CERS6: variants seen among roughly 807,000 people sequenced by gnomAD.
The protein encoded by CERS6 is LAG1 homolog, ceramide synthase 6.
CERS6 carries 26 observed loss-of-function variants against 56.8 expected under a neutral mutation model. The observed-to-expected ratio is 0.46, with a 90% CI of 0.34 to 0.63. The LOEUF (loss-of-function observed/expected upper bound fraction) is 0.63, where lower values mean the gene tolerates loss of function less well. Among genes scored for constraint, CERS6 ranks in the 30% least tolerant of loss-of-function variants. CERS6 has a pLI of 0.01. For synonymous variants in CERS6, 164 were observed against 173.3 expected, an observed-to-expected ratio of 0.95 and a Z score of 0.42; for missense variants, 415 against 467.5, an observed-to-expected ratio of 0.89 and a Z score of 1.04.
intron 3 of CERS6, among the ~76,000 whole-genome samples, chr2:168,576,182 C>A (rs1328767834): frequency 6.6e-6 from 1 of 152,134 alleles, no homozygotes. Flanking sequence ...TACCCCCATT[C>A]TCTTTTTCCC....
Position 168,772,444 on chromosome 2 carries a change from G to A in CERS6, c.*2782G>A, listed in dbSNP as rs1684888102. The A allele has an allele frequency of 6.6e-6, 1 of 152,524 alleles. No homozygotes were observed. The highest frequency in any genetic ancestry group is 1.5e-5 in the Non-Finnish European group (1 of 68,018). The allele number at this position is 152,524 out of a possible 1,614,324, so 9.4% of individuals were successfully genotyped here. A position where few individuals can be genotyped will look rare whatever the true frequency, so the allele number is the denominator to read the frequency against. ...ATATATATGTATGTTTCTCCAAAAA[G>A]TGATAAAACCAAAATATCACTGACT... On this transcript the variant is annotated 3_prime_UTR_variant, in exon 10 of 10. Coordinates refer to ENST00000305747, the MANE Select transcript of CERS6 (RefSeq NM_203463.3).
intron 1 of CERS6, among the ~76,000 whole-genome samples, chr2:168,469,714 CAG>C (rs1348723952): frequency 1.3e-5 from 2 of 152,142 alleles, no homozygotes; most frequent in Admixed American, 6.5e-5. Flanking sequence ...GTTATTAACA[CAG>C]AATTGATAGA....
intron 3 of CERS6, among the ~76,000 whole-genome samples, chr2:168,585,043 A>T (rs963676674): frequency 1.3e-5 from 2 of 152,272 alleles, no homozygotes; most frequent in African/African-American, 4.8e-5. Flanking sequence ...TGCCAACTCC[A>T]TATTTGCTGA....
Position 168,774,602 on chromosome 2 carries a change from T to C in CERS6, c.*4940T>C, listed in dbSNP as rs1388566064. ...TTTATCCACAGTAATTTTTTGACAC[T>C]GTCATCATGAAACTACCCTTAGGAA... On this transcript the variant is annotated 3_prime_UTR_variant, in exon 10 of 10. Coordinates refer to ENST00000305747, the MANE Select transcript of CERS6 (RefSeq NM_203463.3). 2 of 151,596 alleles carry C rather than the reference T, an allele frequency of 1.3e-5. No homozygotes were observed. Among genetic ancestry groups the C allele is most frequent in the East Asian group, 1.9e-4 (1 of 5,174 alleles). The allele number at this position is 151,596 out of a possible 1,614,324, so 9.4% of individuals were successfully genotyped here.
At chr2:168,716,322 G>C (rs986802942) in intron 7 of CERS6, among the ~76,000 whole-genome samples, 1 of 152,178 alleles carries the variant, frequency 6.6e-6, no homozygotes, top group Non-Finnish European at 1.5e-5. Flanking sequence ...TCTTAAGTTT[G>C]CTTGAATGTA....
intron 4 of CERS6, among the ~76,000 whole-genome samples, chr2:168,672,924 A>G (rs1455807337): frequency 6.6e-6 from 1 of 152,236 alleles, no homozygotes; most frequent in Non-Finnish European, 1.5e-5. Context: ...CTAGAGATCA[A>G]TTCCTTCCTT....
At chr2:168,527,284 C>T (rs1695087435) in intron 1 of CERS6, among the ~76,000 whole-genome samples, 1 of 152,108 alleles carries the variant, frequency 6.6e-6, no homozygotes, top group Non-Finnish European at 1.5e-5. Flanking sequence ...TTCCCATATC[C>T]CTGTCCCTAC....
chr2:168,610,273 G>A (rs939466266), intron 3 of CERS6, among the ~76,000 whole-genome samples: 6 of 152,036 alleles, frequency 3.9e-5, no homozygotes, highest in South Asian at 2.1e-4. Flanking sequence ...CACCACTCCC[G>A]GCCGACTGAT....
At chr2:168,601,941 G>A (rs78221661) in intron 3 of CERS6, among the ~76,000 whole-genome samples, 2 of 152,114 alleles carry the variant, frequency 1.3e-5, no homozygotes, top group Non-Finnish European at 2.9e-5. Flanking sequence ...TACAGAAGTA[G>A]AATATTTTTA....
At chr2:168,630,786 TACTC>T (rs1330112015) in intron 3 of CERS6, among the ~76,000 whole-genome samples, 195 bp from the exon 4 acceptor site, 1 of 152,176 alleles carries the variant, frequency 6.6e-6, no homozygotes, top group Non-Finnish European at 1.5e-5. Flanking sequence ...ATGAATATAA[TACTC>T]AAAATATTTT....
At chr2:168,708,372 T>C (rs1687009755) in intron 6 of CERS6, among the ~76,000 whole-genome samples, 1 of 152,196 alleles carries the variant, frequency 6.6e-6, no homozygotes, top group African/African-American at 2.4e-5. Context: ...TGTTTGTTAT[T>C]GATCCCTAAA....
intron 3 of CERS6, among the ~76,000 whole-genome samples, chr2:168,587,982 A>G (rs1366600925): frequency 6.6e-6 from 1 of 151,984 alleles, no homozygotes; most frequent in Non-Finnish European, 1.5e-5. Flanking sequence ...GCTGGAATGC[A>G]GTGGCGCAGT....
chr2:168,695,005 T>A lies in CERS6; in HGVS notation c.563T>A (p.Phe188Tyr), dbSNP rs1686608089. Residue 188 changes from phenylalanine to tyrosine, a missense_variant, in exon 6 of 10, where the codon TTT becomes TAT. By Grantham distance (22) the Phe-to-Tyr change is conservative. Transcript: ENST00000305747. ...LHYYYILELS[F>Y]YWSLMFSQFT... ...TACTATTACATCCTGGAGCTGTCGT[T>A]TTATTGGTCTTTGATGTTTTCTCAG... is the stretch of plus-strand genomic sequence containing the variant. 1 of 1,610,954 alleles carries A rather than the reference T, an allele frequency of 6.2e-7. No individual in the cohort carries two copies. The highest frequency in any genetic ancestry group is 8.5e-7 in the Non-Finnish European group (1 of 1,178,148).
intron 4 of CERS6, among the ~76,000 whole-genome samples, chr2:168,660,944 AAATGCCTCCT>A (rs755223128): frequency 4.3e-4 from 66 of 152,280 alleles, no homozygotes; most frequent in Non-Finnish European, 7.9e-4. Flanking sequence ...TGATAATGAG[AAATGCCTCCT>A]GGTTTTAATG....
chr2:168,645,268 C>T (rs1685170907), intron 4 of CERS6, among the ~76,000 whole-genome samples: 1 of 141,792 alleles, frequency 7.1e-6, no homozygotes, highest in Non-Finnish European at 1.5e-5. Flanking sequence ...CCCACCTTAC[C>T]CAAGAAGAAT....
intron 3 of CERS6, among the ~76,000 whole-genome samples, chr2:168,575,149 G>A (rs1683228010): frequency 6.6e-6 from 1 of 152,114 alleles, no homozygotes; most frequent in South Asian, 2.1e-4. Context: ...TCGATTTCTT[G>A]AAACTTAACC....
In CERS6 at chr2:168,774,569, A is replaced by G. The variant is rs925731192; in HGVS notation, c.*4907A>G. 2.6e-5 allele frequency: 4 copies of G among 151,922 alleles called. No individual in the cohort carries two copies. In the South Asian group the frequency reaches 8.3e-4, roughly 32 times the overall value. 9.4% of individuals were successfully genotyped at this position (151,922 alleles called of 1,614,324 possible). A position where few individuals can be genotyped will look rare whatever the true frequency, so the allele number is the denominator to read the frequency against. On this transcript the variant is annotated 3_prime_UTR_variant, in exon 10 of 10. Coordinates refer to ENST00000305747, the MANE Select transcript of CERS6 (RefSeq NM_203463.3). ...TGAAAAATTCTATTTCATTGAGACA[A>G]TTTTTTCTTTATCCACAGTAATTTT...
chr2:168,640,473 T>A (rs1423665370), intron 4 of CERS6, among the ~76,000 whole-genome samples: 1 of 152,198 alleles, frequency 6.6e-6, no homozygotes, highest in African/African-American at 2.4e-5. Context: ...TGAGCACCCA[T>A]CCTATGACAG....
At chr2:168,524,121 T>A (rs182068342) in intron 1 of CERS6, among the ~76,000 whole-genome samples, 4 of 152,324 alleles carry the variant, frequency 2.6e-5, no homozygotes, top group African/African-American at 9.6e-5. Flanking sequence ...CGTGTGTGTG[T>A]CTGACATCTA....
Sources: gnomAD v4.1 joint callset for allele counts (sites outside exome capture counted in the v4.1 genomes callset) on GRCh38, gnomAD v4.1.1 for gene constraint, MANE v1.5 for transcripts, NCBI Gene and HGNC (gene_info 2026-07-23, HGNC 2026-07-21) for gene names.